ZNF415: variants seen among roughly 807,000 people sequenced by gnomAD.
ZNF415 encodes the protein zinc finger protein 415.
Under a neutral mutation model 7.3 loss-of-function variants are expected in ZNF415, and 5 were observed. That is an observed-to-expected ratio of 0.69 (90% confidence interval 0.36 to 1.44). The LOEUF (loss-of-function observed/expected upper bound fraction) is 1.44. ZNF415 is among the 40% of genes most tolerant of loss of function. ZNF415 has a pLI of 0.04. For synonymous variants in ZNF415, 207 were observed against 226.3 expected, an observed-to-expected ratio of 0.91 and a Z score of 0.77; for missense variants, 628 against 664.8, an observed-to-expected ratio of 0.94 and a Z score of 0.61.
At chr19:53,118,669 A>G (rs1272016101) in intron 2 of ZNF415, among the ~76,000 whole-genome samples, 1 of 152,184 alleles carries the variant, frequency 6.6e-6, no homozygotes, top group Non-Finnish European at 1.5e-5. Flanking sequence ...ATACATGGAA[A>G]TTAGACAACA....
rs1277870980 is a variant in ZNF415, at chr19:53,108,269, A to C, written c.*108T>G. The C allele has an allele frequency of 9.5e-7, 1 of 1,057,852 alleles. No homozygotes were observed. Among genetic ancestry groups the C allele is most frequent in the African/African-American group, 1.6e-5 (1 of 62,514 alleles). The allele number at this position is 1,057,852 out of a possible 1,614,324, so 65.5% of individuals were successfully genotyped here. A position where few individuals can be genotyped will look rare whatever the true frequency, so the allele number is the denominator to read the frequency against. On this transcript the variant is annotated 3_prime_UTR_variant, in exon 4 of 4. Coordinates refer to ENST00000243643, the MANE Select transcript of ZNF415 (RefSeq NM_018355.4). ...ATTCTCTGATGCTGTGTAGGAGTGA[A>C]TTGTGACTGAAAACCTTGCCACATT...
chr19:53,123,263 G>T lies in ZNF415; in HGVS notation c.-67-520C>A, dbSNP rs1048737165. On this transcript the variant is annotated intron_variant, in intron 1 of 3. Transcript: ENST00000243643. The stretch of plus-strand genomic sequence containing the variant: ...AGCCAGGGGGTAGCTCTACTCACAT[G>T]TGGTCAGCCCAGCATAGCCCCCACC... 2.5e-4 allele frequency among the ~76,000 whole-genome samples: 38 copies of T among 152,116 alleles called. 1 individual carries two copies. The highest frequency in any genetic ancestry group is 6.3e-3 in the Middle Eastern group (2 of 316).
At chr19:53,126,620 C>A (rs959958966) in intron 1 of ZNF415, among the ~76,000 whole-genome samples, 2 of 130,270 alleles carry the variant, frequency 1.5e-5, no homozygotes, top group African/African-American at 5.1e-5. Context: ...CCCTCAATCA[C>A]CCGCCTAGGG....
At chr19:53,132,430 G>A (rs1475355526) in intron 1 of ZNF415, among the ~76,000 whole-genome samples, 1 of 152,124 alleles carries the variant, frequency 6.6e-6, no homozygotes, top group African/African-American at 2.4e-5. Flanking sequence ...GGAGGGAGGT[G>A]GGGCGCGACA....
chr19:53,120,921 T>C (rs996408431), intron 2 of ZNF415, among the ~76,000 whole-genome samples: 18 of 148,412 alleles, frequency 1.2e-4, no homozygotes, highest in Admixed American at 1.2e-3. Context: ...CCGTCTCTAC[T>C]AAAAATACAA....
At chr19:53,122,486 G>T in intron 2 of ZNF415, 176 bp downstream of exon 2, 1 of 1,565,632 alleles carries the variant, frequency 6.4e-7, no homozygotes, top group South Asian at 1.1e-5. Context: ...CACAGGGTCA[G>T]GGTGAGACGG....
At chr19:53,122,947 C>T (rs1287258455) in intron 1 of ZNF415, among the ~76,000 whole-genome samples, 1 of 152,128 alleles carries the variant, frequency 6.6e-6, no homozygotes, top group African/African-American at 2.4e-5. Flanking sequence ...TCAGAACTCC[C>T]TCCCCTCCTG....
intron 1 of ZNF415, among the ~76,000 whole-genome samples, chr19:53,128,411 C>T (rs1013127395): frequency 6.9e-6 from 1 of 145,294 alleles, no homozygotes; most frequent in Non-Finnish European, 1.5e-5. Context: ...CTGCCATTGT[C>T]CCCTTGTCTC....
At chr19:53,131,989 C>T (rs982622433) in intron 1 of ZNF415, among the ~76,000 whole-genome samples, 2 of 152,098 alleles carry the variant, frequency 1.3e-5, no homozygotes, top group African/African-American at 4.8e-5. Context: ...TGCTCTCCCC[C>T]ACTCTCTGTC....
chr19:53,116,405 A>T lies in ZNF415; in HGVS notation c.44T>A (p.Phe15Tyr), dbSNP rs758897529. 1 of 1,614,136 alleles carries T rather than the reference A, an allele frequency of 6.2e-7. No homozygotes were observed. ...CAGGCATTTCCACTCATCTTGAGAG[A>T]ATTCGATGGCCACGTCCCTGAATGT... ...QLTFRDVAIE[F>Y]SQDEWKCLNS... Residue 15 changes from phenylalanine (F) to tyrosine (Y), a missense_variant, in exon 3 of 4, where the codon TTC becomes TAC. Coordinates refer to ENST00000243643, the MANE Select transcript of ZNF415 (RefSeq NM_018355.4).
At position 53,118,872 on chromosome 19, in the gene ZNF415, C is replaced by T. The variant is rs773575621; in HGVS notation, c.16-2439G>A. On this transcript the variant is annotated intron_variant, in intron 2 of 3. Coordinates refer to ENST00000243643, the MANE Select transcript of ZNF415 (RefSeq NM_018355.4). Reference sequence around the variant, plus strand: ...AGAAAAATTTCAAATAAGCCAGGCACGGTGGCTCACTCCTGTAATCCCAGC... The same window carrying T: ...AGAAAAATTTCAAATAAGCCAGGCATGGTGGCTCACTCCTGTAATCCCAGC... Among the ~76,000 whole-genome samples the T allele has an allele frequency of 4.1e-4, 63 of 152,114 alleles. 1 individual carries two copies. The highest frequency in any genetic ancestry group is 1.5e-3 in the Admixed American group (23 of 15,274).
At chr19:53,121,746 T>C (rs142350208) in intron 2 of ZNF415, among the ~76,000 whole-genome samples, 157 of 152,178 alleles carry the variant, frequency 1.0e-3, no homozygotes, top group African/African-American at 3.7e-3. Flanking sequence ...TTATGTTGAC[T>C]TTATGTTTCA....
intron 1 of ZNF415, among the ~76,000 whole-genome samples, chr19:53,132,434 C>G (rs4801956): frequency 0.42 from 63,643 of 151,798 alleles, 14,372 homozygotes; most frequent in African/African-American, 0.6. Flanking sequence ...GGAGGTGGGG[C>G]GCGACAGCGC....
intron 3 of ZNF415, among the ~76,000 whole-genome samples, chr19:53,114,495 T>C (rs1011457618): frequency 6.6e-6 from 1 of 152,158 alleles, no homozygotes; most frequent in African/African-American, 2.4e-5. Flanking sequence ...GGAAAAATCA[T>C]GCAAACTTAA....
At position 53,132,901 on chromosome 19, in the gene ZNF415, G is replaced by C. The variant is rs886863040; in HGVS notation, c.-113C>G. The stretch of plus-strand genomic sequence containing the variant: ...CCCAACGCGATCCGTTTCCGGGCCT[G>C]TAGGAAACTGCGCATGCGCGGAGAG... On this transcript the variant is annotated 5_prime_UTR_variant, in exon 1 of 4. Transcript: ENST00000243643. The C allele has an allele frequency of 6.6e-6, 1 of 152,300 alleles. No homozygotes were observed. The highest frequency in any genetic ancestry group is 1.5e-5 in the Non-Finnish European group (1 of 68,098). 9.4% of individuals were successfully genotyped at this position (152,300 alleles called of 1,614,324 possible).
At chr19:53,114,014 G>A (rs1460996198) in intron 3 of ZNF415, among the ~76,000 whole-genome samples, 1 of 152,110 alleles carries the variant, frequency 6.6e-6, no homozygotes, top group African/African-American at 2.4e-5. Context: ...ACATGTAGCA[G>A]GATGCTATTC....
chr19:53,130,051 CAA>C (rs2089850969), intron 1 of ZNF415, among the ~76,000 whole-genome samples: 1 of 135,150 alleles, frequency 7.4e-6, no homozygotes, highest in Non-Finnish European at 1.5e-5. Context: ...GGTGAGAGAG[CAA>C]GACTCCAGCT....
At chr19:53,130,606 A>G (rs1339365168) in intron 1 of ZNF415, among the ~76,000 whole-genome samples, 3 of 152,202 alleles carry the variant, frequency 2.0e-5, no homozygotes, top group Non-Finnish European at 4.4e-5. Flanking sequence ...ATGAAAGGGA[A>G]TTAGTAAGAA....
At chr19:53,123,367 T>C (rs1162384958) in intron 1 of ZNF415, 10 of 396,308 alleles carry the variant, frequency 2.5e-5, no homozygotes, top group Admixed American at 4.4e-5. Context: ...AAGAGAAGCA[T>C]GCAGAGGAGG....
Sources: allele counts gnomAD v4.1 joint callset (sites outside exome capture counted in the v4.1 genomes callset), GRCh38; gene constraint gnomAD v4.1.1; transcripts MANE v1.5; gene names NCBI Gene and HGNC (gene_info 2026-07-23, HGNC 2026-07-21).